CDCA7L: variants seen among roughly 807,000 people sequenced by gnomAD.
The protein encoded by CDCA7L is cell division cycle-associated 7-like protein.
In CDCA7L, 44 loss-of-function variants were observed where a neutral mutation model predicts 57.4. That is an observed-to-expected ratio of 0.77 (90% CI 0.60 to 0.98). The LOEUF (loss-of-function observed/expected upper bound fraction) is 0.98, where lower values mean the gene tolerates loss of function less well. Among genes scored for constraint, CDCA7L ranks in the 50% least tolerant of loss-of-function variants. The pLI, the probability that CDCA7L is intolerant of heterozygous loss-of-function variation, is 0.00. For missense variants in CDCA7L, 644 were observed against 580.6 expected (o/e 1.11, Z -1.12); for synonymous variants, 236 against 202.8 (o/e 1.16, Z -1.39).
rs1562617499 is a variant in CDCA7L, at chr7:21,902,319, C to CTCTTAATTGTCTTCTACCAGCTCCTTTT, written c.1340_*2dup. ...GAGGTGGCTGGTTCTGTTTGTTTTC[C>CTCTTAATTGTCTTCTACCAGCTCCTTTT]TCTTAATTGTCTTCTACCAGCTCCT... is the stretch of plus-strand genomic sequence containing the variant. On this transcript the variant is annotated 3_prime_UTR_variant, in exon 10 of 10. Coordinates refer to ENST00000406877, the MANE Select transcript of CDCA7L (RefSeq NM_018719.5). The CTCTTAATTGTCTTCTACCAGCTCCTTTT allele has an allele frequency of 1.2e-6, 2 of 1,613,718 alleles. No homozygotes were observed. The highest frequency in any genetic ancestry group is 1.7e-6 in the Non-Finnish European group (2 of 1,179,724).
intron 1 of CDCA7L, among the ~76,000 whole-genome samples, chr7:21,936,408 T>C (rs1359790844): frequency 1.3e-5 from 2 of 152,126 alleles, no homozygotes; most frequent in Non-Finnish European, 2.9e-5. Flanking sequence ...CGAATACTGA[T>C]ACAAGAATAC....
rs776912112 is a variant in CDCA7L at position 21,911,690 on chromosome 7, G to T, written c.230C>A (p.Thr77Asn). 1.2e-6 allele frequency: 2 copies of T among 1,613,698 alleles called. No individual in the cohort carries two copies. Among genetic ancestry groups the T allele is most frequent in the African/African-American group, 1.3e-5 (1 of 74,906 alleles). The change falls in exon 3 of 10, where the codon ACT becomes AAT. Residue 77 changes from threonine (T) to asparagine (N), a missense_variant. Transcript: ENST00000406877. ...EELRRIFIED[T>N]DSETEDFAGF... The stretch of plus-strand genomic sequence containing the variant: ...TGCAAAATCCTCAGTCTCTGAGTCA[G>T]TGTCCTCTATAAAAATTCTTCTTAG...
intron 1 of CDCA7L, among the ~76,000 whole-genome samples, chr7:21,927,888 C>G (rs538013872): frequency 1.3e-5 from 2 of 152,370 alleles, no homozygotes; most frequent in South Asian, 4.1e-4. Flanking sequence ...GTGGGCCCAG[C>G]TTAAGCAGAC....
chr7:21,912,219 A>G (rs1454779176), intron 2 of CDCA7L, among the ~76,000 whole-genome samples: 1 of 151,980 alleles, frequency 6.6e-6, no homozygotes, highest in Admixed American at 6.6e-5. Flanking sequence ...CTGCACACCA[A>G]TGCACTCCAG....
intron 1 of CDCA7L, among the ~76,000 whole-genome samples, chr7:21,918,662 G>A (rs1177912975): frequency 5.9e-5 from 9 of 151,800 alleles, no homozygotes; most frequent in Non-Finnish European, 1.5e-5. Flanking sequence ...AGTTGAATCC[G>A]GAGGCTTTAC....
At chr7:21,930,388 GC>G (rs1241407933) in intron 1 of CDCA7L, among the ~76,000 whole-genome samples, 2 of 151,996 alleles carry the variant, frequency 1.3e-5, no homozygotes, top group African/African-American at 4.8e-5. Context: ...TGACACCCTA[GC>G]ATCACAATTA....
chr7:21,902,043 C>A lies in CDCA7L; in HGVS notation c.*279G>T, dbSNP rs751928535. On this transcript the variant is annotated 3_prime_UTR_variant, in exon 10 of 10. Coordinates refer to ENST00000406877, the MANE Select transcript of CDCA7L (RefSeq NM_018719.5). ...CTTACTTACCTGAACTTTAACCCCA[C>A]CCCATTTAAACTGTGCTTTTTAATA... The A allele has an allele frequency of 1.1e-5, 5 of 445,390 alleles. No individual in the cohort carries two copies. Among genetic ancestry groups the A allele is most frequent in the Non-Finnish European group, 2.0e-5 (5 of 245,836 alleles). The allele number at this position is 445,390 out of a possible 1,614,324, so 27.6% of individuals were successfully genotyped here.
chr7:21,921,107 G>A (rs1439218628), intron 1 of CDCA7L, among the ~76,000 whole-genome samples: 6 of 152,120 alleles, frequency 3.9e-5, no homozygotes, highest in Non-Finnish European at 8.8e-5. Context: ...CTGTGCTATT[G>A]TGTTCAGCCC....
At chr7:21,929,884 C>G (rs1463985570) in intron 1 of CDCA7L, among the ~76,000 whole-genome samples, 1 of 152,068 alleles carries the variant, frequency 6.6e-6, no homozygotes, top group Admixed American at 6.5e-5. Context: ...GAGACTTTAA[C>G]ACGCCACTGT....
At chr7:21,928,322 G>C (rs1785888888) in intron 1 of CDCA7L, among the ~76,000 whole-genome samples, 1 of 152,032 alleles carries the variant, frequency 6.6e-6, no homozygotes, top group South Asian at 2.1e-4. Flanking sequence ...AAAGACCAAA[G>C]GTAGATAAAT....
At chr7:21,925,668 T>C (rs969544002) in intron 1 of CDCA7L, among the ~76,000 whole-genome samples, 2 of 152,108 alleles carry the variant, frequency 1.3e-5, no homozygotes, top group Non-Finnish European at 2.9e-5. Context: ...GGCAGGAGGA[T>C]CACTTGAGCC....
intron 1 of CDCA7L, among the ~76,000 whole-genome samples, chr7:21,942,830 T>C (rs10262937): frequency 0.83 from 126,167 of 152,150 alleles, 52,609 homozygotes; most frequent in Non-Finnish European, 0.87. Context: ...TCATTGTCCT[T>C]TCTGTGACCA....
chr7:21,902,425 CACAATCATCTAAGAGT>C, intron 9 of CDCA7L, 73 bp from the exon 10 acceptor site: 3 of 1,409,310 alleles, frequency 2.1e-6, no homozygotes, highest in Non-Finnish European at 3.0e-6. Context: ...TGAGAGATTC[CACAATCATCTAAGAGT>C]ACAAAGCCAG....
At chr7:21,904,699 G>A (rs747454935) in intron 7 of CDCA7L, among the ~76,000 whole-genome samples, 2 of 152,156 alleles carry the variant, frequency 1.3e-5, no homozygotes, top group African/African-American at 2.4e-5. Flanking sequence ...CCAAATCCAT[G>A]GAAAAACTGT....
intron 1 of CDCA7L, among the ~76,000 whole-genome samples, chr7:21,930,521 CCT>C (rs970107718): frequency 6.6e-6 from 1 of 151,682 alleles, no homozygotes; most frequent in African/African-American, 2.4e-5. Flanking sequence ...ATAGTGAAAC[CCT>C]GTCTGTACTA....
Position 21,911,692 on chromosome 7 carries a change from G to A in CDCA7L, c.228C>T (p.Asp76=). The A allele has an allele frequency of 6.2e-7, 1 of 1,613,724 alleles. No individual in the cohort carries two copies. The highest frequency in any genetic ancestry group is 8.5e-7 in the Non-Finnish European group (1 of 1,179,858). The change falls in exon 3 of 10, where the codon GAC becomes GAT. Residue 76 remains aspartate, a synonymous_variant. Transcript: ENST00000406877. Reference sequence around the variant, plus strand: ...CAAAATCCTCAGTCTCTGAGTCAGTGTCCTCTATAAAAATTCTTCTTAGCT... The same window carrying A: ...CAAAATCCTCAGTCTCTGAGTCAGTATCCTCTATAAAAATTCTTCTTAGCT... ...TEELRRIFIE[D]TDSETEDFAG... is the part of the protein sequence containing the mutation.
intron 2 of CDCA7L, among the ~76,000 whole-genome samples, chr7:21,912,235 G>A (rs79488790): frequency 2.6e-5 from 4 of 152,034 alleles, no homozygotes; most frequent in African/African-American, 9.7e-5. Context: ...TCCAGCCTGC[G>A]TTGCAGCCAA....
intron 1 of CDCA7L, among the ~76,000 whole-genome samples, chr7:21,933,942 A>G (rs986213459): frequency 3.9e-5 from 6 of 152,118 alleles, no homozygotes; most frequent in Non-Finnish European, 7.4e-5. Flanking sequence ...CTGGTTAAAA[A>G]AAAAAAACTG....
chr7:21,934,790 A>C (rs1786114633), intron 1 of CDCA7L, among the ~76,000 whole-genome samples: 1 of 152,232 alleles, frequency 6.6e-6, no homozygotes, highest in Non-Finnish European at 1.5e-5. Flanking sequence ...AATATGAGAC[A>C]AAATAGTCAA....
Sources: gnomAD v4.1 joint callset for allele counts (sites outside exome capture counted in the v4.1 genomes callset) on GRCh38, gnomAD v4.1.1 for gene constraint, MANE v1.5 for transcripts, NCBI Gene and HGNC (gene_info 2026-07-23, HGNC 2026-07-21) for gene names.